EYS: variants seen among roughly 807,000 people sequenced by gnomAD.
EYS encodes the protein protein eyes shut homolog.
In EYS, 250 loss-of-function variants were observed where a neutral mutation model predicts 282.1. The observed-to-expected ratio is 0.89, with a 90% confidence interval of 0.80 to 0.98. The LOEUF (loss-of-function observed/expected upper bound fraction) is 0.98. EYS is among the 50% of genes least tolerant of loss of function. The probability of loss-of-function intolerance (pLI) is 0.00; values close to 1 mark genes in which losing one functional copy is unlikely to be tolerated. For missense variants in EYS, 4,016 were observed against 3,709.0 expected (o/e 1.08, Z -2.15); for synonymous variants, 1,355 against 1,282.9 (o/e 1.06, Z -1.20).
intron 2 of EYS, among the ~76,000 whole-genome samples, chr6:65,545,529 T>C (rs937234051): frequency 3.3e-5 from 5 of 152,118 alleles, no homozygotes; most frequent in Admixed American, 3.3e-4. Context: ...ATGAAGAAAG[T>C]GGGATCAAAG....
intron 33 of EYS, among the ~76,000 whole-genome samples, chr6:64,061,839 A>C (rs2149852001): frequency 6.6e-6 from 1 of 152,110 alleles, no homozygotes; most frequent in South Asian, 2.1e-4. Flanking sequence ...AAAATACAAA[A>C]GTTAGCCAGG....
At chr6:63,844,254 A>G (rs57319124) in intron 36 of EYS, among the ~76,000 whole-genome samples, 18,313 of 152,216 alleles carry the variant, frequency 0.12, 1,327 homozygotes, top group African/African-American at 0.19. Context: ...GCAGTCTATC[A>G]TTGATGGGCA....
intron 26 of EYS, among the ~76,000 whole-genome samples, chr6:64,549,853 A>G (rs913552680): frequency 6.6e-6 from 1 of 151,628 alleles, no homozygotes; most frequent in Non-Finnish European, 1.5e-5. Flanking sequence ...GTCATTTAAC[A>G]TTAGGTATAT....
chr6:64,294,873 GTGTA>G (rs1768855623), intron 30 of EYS, among the ~76,000 whole-genome samples: 1 of 152,148 alleles, frequency 6.6e-6, no homozygotes, highest in Non-Finnish European at 1.5e-5. Context: ...TTTTAATAAA[GTGTA>G]TGATGAAAAG....
intron 2 of EYS, among the ~76,000 whole-genome samples, chr6:65,618,690 T>C (rs1479555066): frequency 6.6e-6 from 1 of 152,240 alleles, no homozygotes; most frequent in Non-Finnish European, 1.5e-5. Flanking sequence ...GTTTTAGGTC[T>C]AATGTATAAG....
chr6:65,092,759 G>T (rs576723883), intron 12 of EYS, among the ~76,000 whole-genome samples: 1 of 152,194 alleles, frequency 6.6e-6, no homozygotes, highest in Non-Finnish European at 1.5e-5. Flanking sequence ...ATCTAACACA[G>T]GTCATTTGCA....
chr6:64,256,013 C>A (rs139518518), intron 30 of EYS, among the ~76,000 whole-genome samples: 1 of 151,952 alleles, frequency 6.6e-6, no homozygotes, highest in African/African-American at 2.4e-5. Flanking sequence ...ACTGATTCAG[C>A]AATGAATATC....
chr6:64,996,620 G>T (rs1407385348), intron 14 of EYS, among the ~76,000 whole-genome samples: 1 of 151,816 alleles, frequency 6.6e-6, no homozygotes, highest in Non-Finnish European at 1.5e-5. Context: ...TTGAAAAGTG[G>T]CTAGACAACC....
intron 26 of EYS, among the ~76,000 whole-genome samples, chr6:64,547,963 G>A (rs769556070): frequency 2.0e-4 from 31 of 152,316 alleles, no homozygotes; most frequent in Admixed American, 3.9e-4. Flanking sequence ...AGGGCTGGCC[G>A]GCAGCTCCAA....
intron 22 of EYS, among the ~76,000 whole-genome samples, chr6:64,690,103 T>C (rs926050971): frequency 1.3e-5 from 2 of 151,614 alleles, no homozygotes; most frequent in African/African-American, 4.8e-5. Flanking sequence ...ATATCCAGAA[T>C]CTACAAAGAA....
intron 15 of EYS, among the ~76,000 whole-genome samples, chr6:64,928,964 G>T (rs866059662): frequency 1.3e-5 from 2 of 152,100 alleles, no homozygotes; most frequent in Non-Finnish European, 2.9e-5. Context: ...CGTAAGATAT[G>T]TTTTCATAAC....
intron 22 of EYS, among the ~76,000 whole-genome samples, chr6:64,741,784 T>A (rs567892549): frequency 1.3e-5 from 2 of 152,300 alleles, no homozygotes; most frequent in African/African-American, 4.8e-5. Context: ...CTTCCTCACC[T>A]CTTTCAGCCT....
intron 31 of EYS, among the ~76,000 whole-genome samples, chr6:64,228,260 A>G (rs1165770402): frequency 1.3e-5 from 2 of 152,214 alleles, no homozygotes; most frequent in Non-Finnish European, 2.9e-5. Context: ...ATGGTTAAAA[A>G]TAAATATTCA....
intron 30 of EYS, among the ~76,000 whole-genome samples, chr6:64,289,666 A>G (rs1192128822): frequency 6.6e-6 from 1 of 152,028 alleles, no homozygotes; most frequent in Non-Finnish European, 1.5e-5. Context: ...AGCAGAGTGG[A>G]ACTGTTTTGT....
chr6:65,024,076 C>T (rs1772326798), intron 13 of EYS, among the ~76,000 whole-genome samples: 1 of 152,032 alleles, frequency 6.6e-6, no homozygotes, highest in South Asian at 2.1e-4. Context: ...CTGGTTTTGT[C>T]ATCACTTTTT....
chr6:64,294,224 T>C lies in EYS; in HGVS notation c.6191+12746A>G, dbSNP rs181984061. Among the ~76,000 whole-genome samples the C allele has an allele frequency of 9.2e-5, 14 of 152,286 alleles. No homozygotes were observed. In the East Asian group the frequency reaches 2.5e-3, roughly 27 times the overall value. ...CCAAATAAAAACCAAAATACCAAACTGGTGAATCAGTTTCTCTGTCAATGC... is the reference window on the plus strand; with the variant it reads ...CCAAATAAAAACCAAAATACCAAACCGGTGAATCAGTTTCTCTGTCAATGC... On this transcript the variant is annotated intron_variant, in intron 30 of 42. Coordinates refer to ENST00000503581, the MANE Select transcript of EYS (RefSeq NM_001142800.2).
chr6:64,004,433 A>G (rs1284251664), intron 33 of EYS, among the ~76,000 whole-genome samples: 4 of 151,344 alleles, frequency 2.6e-5, no homozygotes, highest in African/African-American at 9.8e-5. Flanking sequence ...ATAAGGAGCA[A>G]TAAGTATTAT....
intron 19 of EYS, among the ~76,000 whole-genome samples, chr6:64,852,422 C>A (rs926233970): frequency 5.3e-5 from 8 of 152,114 alleles, no homozygotes; most frequent in African/African-American, 1.9e-4. Flanking sequence ...ACATCAGACT[C>A]CAGGTTCTTC....
chr6:64,049,665 C>T (rs1770742110), intron 33 of EYS, among the ~76,000 whole-genome samples: 2 of 152,030 alleles, frequency 1.3e-5, no homozygotes, highest in African/African-American at 2.4e-5. Flanking sequence ...TTGTATTAGC[C>T]CAACTTGTGA....
Sources: gnomAD v4.1 joint callset for allele counts (sites outside exome capture counted in the v4.1 genomes callset) on GRCh38, gnomAD v4.1.1 for gene constraint, MANE v1.5 for transcripts, NCBI Gene and HGNC (gene_info 2026-07-23, HGNC 2026-07-21) for gene names.